Variants in LMAN1 observed in about 807,000 individuals in gnomAD.
LMAN1 encodes lectin, mannose binding 1.
A neutral mutation model predicts 67.8 loss-of-function variants in LMAN1; 32 were observed. The observed-to-expected ratio is 0.47, with a 90% CI of 0.36 to 0.63. LMAN1 has a LOEUF of 0.63. Among genes scored for constraint, LMAN1 ranks in the 30% least tolerant of loss-of-function variants. The probability of loss-of-function intolerance (pLI) is 0.00; values close to 1 mark genes in which losing one functional copy is unlikely to be tolerated. For synonymous variants in LMAN1, 235 were observed against 219.3 expected, an observed-to-expected ratio of 1.07 and a Z score of -0.63; for missense variants, 632 against 628.2, an observed-to-expected ratio of 1.01 and a Z score of -0.06.
At chr18:59,342,491 C>T (rs1162603707) in intron 8 of LMAN1, among the ~76,000 whole-genome samples, 2 of 152,032 alleles carry the variant, frequency 1.3e-5, no homozygotes, top group Non-Finnish European at 2.9e-5. Context: ...GGGATTTATC[C>T]CAGGGATGCA....
intron 5 of LMAN1, among the ~76,000 whole-genome samples, chr18:59,350,357 G>T (rs1908513261): frequency 6.6e-6 from 1 of 152,070 alleles, no homozygotes; most frequent in African/African-American, 2.4e-5. Flanking sequence ...ATTTGCCTTT[G>T]AGTCTTAAAA....
chr18:59,355,164 T>C (rs1908631104), intron 3 of LMAN1, 149 bp downstream of exon 3: 2 of 702,848 alleles, frequency 2.8e-6, no homozygotes, highest in South Asian at 1.6e-5. Flanking sequence ...TTCCTAGCTA[T>C]ATAAAGACTA....
chr18:59,343,416 G>A (rs989654597), intron 8 of LMAN1, among the ~76,000 whole-genome samples: 3 of 152,116 alleles, frequency 2.0e-5, no homozygotes, highest in African/African-American at 4.8e-5. Flanking sequence ...CAAGGCTAAA[G>A]TAACCAAACC....
At position 59,359,234 on chromosome 18, in the gene LMAN1, G is replaced by A; in HGVS notation, c.11C>T (p.Ser4Phe). The change falls in exon 1 of 13, where the codon TCC becomes TTC. Residue 4 changes from serine to phenylalanine, a missense_variant. Coordinates refer to ENST00000251047, the MANE Select transcript of LMAN1 (RefSeq NM_005570.4). Reference sequence around the variant, plus strand: ...TCTGGCCCGGAGACCCCTTTGCCTGGATCCCGCCATCTTGGATTCTGGAAC... The same window carrying A: ...TCTGGCCCGGAGACCCCTTTGCCTGAATCCCGCCATCTTGGATTCTGGAAC... MAG[S>F]RQRGLRARVR... 6.2e-7 allele frequency: 1 copy of A among 1,613,774 alleles called. No homozygotes were observed. Among genetic ancestry groups the A allele is most frequent in the Non-Finnish European group, 8.5e-7 (1 of 1,179,758 alleles).
At chr18:59,349,481 G>A (rs1296858177) in intron 5 of LMAN1, among the ~76,000 whole-genome samples, 1 of 152,136 alleles carries the variant, frequency 6.6e-6, no homozygotes, top group Admixed American at 6.5e-5. Flanking sequence ...TTTCTAAAAT[G>A]GAATATGGTT....
rs2070734432 is a variant in LMAN1, at chr18:59,329,459, G to C, written c.*1634C>G. On this transcript the variant is annotated 3_prime_UTR_variant, in exon 13 of 13. Transcript: ENST00000251047. ...TATTTAATTTTTTTTCATGGAGCAA[G>C]AGTAAATTCTGTGATGATGAAGCCT... 1 of 152,040 alleles carries C rather than the reference G, an allele frequency of 6.6e-6. No individual in the cohort carries two copies. The highest frequency in any genetic ancestry group is 6.6e-5 in the Admixed American group (1 of 15,250). The allele number at this position is 152,040 out of a possible 1,614,324, so 9.4% of individuals were successfully genotyped here.
Position 59,355,583 on chromosome 18 carries a change from G to A in LMAN1, c.290C>T (p.Thr97Ile). The change falls in exon 2 of 13, where the codon ACA becomes ATA. Residue 97 changes from threonine to isoleucine, a missense_variant. Coordinates refer to ENST00000251047, the MANE Select transcript of LMAN1 (RefSeq NM_005570.4). Reference protein sequence around the residue: ...KSQRGSVWTKTKAAFENWEVE... With the variant: ...KSQRGSVWTKIKAAFENWEVE... ...TTCCCAGTTCTCAAAGGCCGCTTTT[G>A]TCTTTGTCCACACTGAGCCTCTTTG... The A allele has an allele frequency of 2.5e-6, 4 of 1,614,122 alleles. No homozygotes were observed. The highest frequency in any genetic ancestry group is 3.4e-6 in the Non-Finnish European group (4 of 1,179,980).
chr18:59,352,650 C>T (rs1307786848), intron 5 of LMAN1: 1 of 168,082 alleles, frequency 5.9e-6, no homozygotes, highest in Admixed American at 5.6e-5. Flanking sequence ...CCCTCTTCCC[C>T]CAACTCCCAG....
intron 11 of LMAN1, 59 bp downstream of exon 11, chr18:59,333,032 G>T: frequency 3.6e-6 from 5 of 1,371,246 alleles, no homozygotes; most frequent in Non-Finnish European, 5.2e-6. Flanking sequence ...TTGCAGTAGA[G>T]TATGAGTTCT....
intron 7 of LMAN1, among the ~76,000 whole-genome samples, chr18:59,347,224 C>G (rs935636323): frequency 1.1e-4 from 16 of 148,320 alleles, no homozygotes; most frequent in Admixed American, 6.9e-5. Flanking sequence ...TCCCGAGTAG[C>G]TGGAACTACA....
intron 5 of LMAN1, among the ~76,000 whole-genome samples, chr18:59,350,742 G>A (rs1289831454): frequency 2.0e-5 from 3 of 152,060 alleles, no homozygotes; most frequent in African/African-American, 4.8e-5. Flanking sequence ...TGATCCGCCC[G>A]CCTCGGCCTC....
chr18:59,331,895 G>A (rs2070749836), intron 11 of LMAN1, among the ~76,000 whole-genome samples: 1 of 152,122 alleles, frequency 6.6e-6, no homozygotes, highest in Non-Finnish European at 1.5e-5. Flanking sequence ...GTGATTATTA[G>A]CACCCCTTCA....
intron 10 of LMAN1, among the ~76,000 whole-genome samples, chr18:59,334,298 A>G (rs1908094188): frequency 6.6e-6 from 1 of 152,196 alleles, no homozygotes; most frequent in Non-Finnish European, 1.5e-5. Flanking sequence ...TTCTGCTAAC[A>G]TTTATTTCAT....
At chr18:59,334,922 T>C (rs1265900049) in intron 10 of LMAN1, among the ~76,000 whole-genome samples, 1 of 152,174 alleles carries the variant, frequency 6.6e-6, no homozygotes, top group East Asian at 1.9e-4. Flanking sequence ...TTATATTAAC[T>C]TACTGTATGC....
intron 1 of LMAN1, among the ~76,000 whole-genome samples, chr18:59,358,586 G>T (rs1186504162): frequency 1.3e-5 from 2 of 152,076 alleles, no homozygotes; most frequent in East Asian, 3.8e-4. Flanking sequence ...GATCGGGGGT[G>T]GGGGGTGGAA....
At chr18:59,345,597 T>C (rs1180497833) in intron 8 of LMAN1, among the ~76,000 whole-genome samples, 1 of 152,216 alleles carries the variant, frequency 6.6e-6, no homozygotes, top group Non-Finnish European at 1.5e-5. Flanking sequence ...GTTTTGGATT[T>C]ATTTTTAGGC....
rs1250645017 is a variant in LMAN1, at chr18:59,345,910, A to G, written c.955+9T>C. 8 of 1,613,814 alleles carry G rather than the reference A, an allele frequency of 5.0e-6. No homozygotes were observed. The highest frequency in any genetic ancestry group is 1.3e-5 in the African/African-American group (1 of 74,932). ...CTGCGGCACCCATGTCAGCTTTGCT[A>G]CAACTCACCAGGCTGCCCTTGGAGG... On this transcript the variant is annotated intron_variant, in intron 8 of 12. Coordinates refer to ENST00000251047, the MANE Select transcript of LMAN1 (RefSeq NM_005570.4).
At chr18:59,345,341 T>G (rs1908375422) in intron 8 of LMAN1, among the ~76,000 whole-genome samples, 1 of 152,186 alleles carries the variant, frequency 6.6e-6, no homozygotes, top group South Asian at 2.1e-4. Context: ...ATTAGCACAC[T>G]CACGTTCTTA....
intron 10 of LMAN1, among the ~76,000 whole-genome samples, chr18:59,334,954 T>G (rs1908108333): frequency 6.6e-6 from 1 of 152,178 alleles, no homozygotes; most frequent in Admixed American, 6.5e-5. Flanking sequence ...TCTCAGTAAG[T>G]GGGAGTTTGC....
Sources: allele counts gnomAD v4.1 joint callset (sites outside exome capture counted in the v4.1 genomes callset), GRCh38; gene constraint gnomAD v4.1.1; transcripts MANE v1.5; gene names NCBI Gene and HGNC (gene_info 2026-07-23, HGNC 2026-07-21).